Variants in PALD1 observed in about 807,000 individuals in gnomAD.
PALD1 encodes the protein paladin.
Under a neutral mutation model 96.0 loss-of-function variants are expected in PALD1, and 57 were observed. The ratio of observed to expected loss-of-function variants is 0.59; its 90% CI spans 0.48 to 0.74. PALD1 has a LOEUF of 0.74. Among genes scored for constraint, PALD1 ranks in the 30% least tolerant of loss-of-function variants. PALD1 has a pLI of 0.00. For synonymous variants in PALD1, 464 were observed against 473.6 expected (o/e 0.98, Z 0.26); for missense variants, 1,063 against 1,143.7 (o/e 0.93, Z 1.02).
chr10:70,553,355 C>G (rs1009886410), intron 18 of PALD1, among the ~76,000 whole-genome samples: 1 of 152,110 alleles, frequency 6.6e-6, no homozygotes, highest in African/African-American at 2.4e-5. Flanking sequence ...TCAGCAAGGC[C>G]TAATGTTCCT....
chr10:70,531,827 C>G (rs1846999144), intron 5 of PALD1, among the ~76,000 whole-genome samples: 1 of 151,836 alleles, frequency 6.6e-6, no homozygotes, highest in African/African-American at 2.4e-5. Flanking sequence ...ACTAAAAATA[C>G]AAAAAATTAG....
chr10:70,536,317 C>A (rs565873120), intron 10 of PALD1, among the ~76,000 whole-genome samples: 2 of 148,952 alleles, frequency 1.3e-5, no homozygotes, highest in African/African-American at 4.8e-5. Flanking sequence ...CAAAACAAAA[C>A]GAACCCAAAC....
At position 70,539,087 on chromosome 10, in the gene PALD1, C is replaced by T. The variant is rs1847179126; in HGVS notation, c.1570-5C>T. The T allele has an allele frequency of 1.9e-6, 3 of 1,613,774 alleles. No individual in the cohort carries two copies. Among genetic ancestry groups the T allele is most frequent in the Non-Finnish European group, 2.5e-6 (3 of 1,179,836 alleles). ...AGCACTCACTGCCGGCCCTCCTGTGCCCAGGCCCTGGGGAGCATCCTGGCC... is the reference window on the plus strand; with the variant it reads ...AGCACTCACTGCCGGCCCTCCTGTGTCCAGGCCCTGGGGAGCATCCTGGCC... On this transcript the variant is annotated splice_region_variant and splice_polypyrimidine_tract_variant and intron_variant, in intron 13 of 19. Coordinates refer to ENST00000263563, the MANE Select transcript of PALD1 (RefSeq NM_014431.3). The surrounding 1 kb of genome is among the most constrained non-coding windows in gnomAD (Gnocchi z 4.5).
At chr10:70,484,371 T>C (rs534681587) in intron 1 of PALD1, among the ~76,000 whole-genome samples, 67 of 152,338 alleles carry the variant, frequency 4.4e-4, no homozygotes, top group African/African-American at 1.6e-3. Flanking sequence ...ACGTCTAATA[T>C]TTGATACTAC....
In PALD1 at chr10:70,540,623, C is replaced by T. The variant is rs1001339558; in HGVS notation, c.1909-479C>T. On this transcript the variant is annotated intron_variant, in intron 15 of 19. Coordinates refer to ENST00000263563, the MANE Select transcript of PALD1 (RefSeq NM_014431.3). This position sits in a 1 kb window ranked among gnomAD's most constrained non-coding sequence, Gnocchi z 4.2. The stretch of plus-strand genomic sequence containing the variant: ...GTTACCCTGCCTGAGCCCCTCCTGG[C>T]GCATCTCTTCGCGGCTCTCACTGCC... Among the ~76,000 whole-genome samples the T allele has an allele frequency of 4.6e-5, 7 of 152,086 alleles. No individual in the cohort carries two copies. The highest frequency in any genetic ancestry group is 1.2e-4 in the African/African-American group (5 of 41,382).
Position 70,567,050 on chromosome 10 carries a change from TC to T in PALD1, c.*322del, listed in dbSNP as rs1306589929. On this transcript the variant is annotated 3_prime_UTR_variant, in exon 20 of 20. Transcript: ENST00000263563. ...GGCGTTCAGCCTCCAAGGGGCTCAC[TC>T]CCCCAGTTGCCAAACACTGTGGATC... 4 of 287,176 alleles carry T rather than the reference TC, an allele frequency of 1.4e-5. No individual in the cohort carries two copies. Among genetic ancestry groups the T allele is most frequent in the Non-Finnish European group, 2.6e-5 (4 of 155,404 alleles). The allele number at this position is 287,176 out of a possible 1,614,324, so 17.8% of individuals were successfully genotyped here.
At chr10:70,552,319 C>T (rs1489908120) in intron 18 of PALD1, among the ~76,000 whole-genome samples, 1 of 152,178 alleles carries the variant, frequency 6.6e-6, no homozygotes, top group Non-Finnish European at 1.5e-5. Flanking sequence ...ACGCGCGGCC[C>T]TTCACATTCT....
chr10:70,508,147 C>T (rs759198831), intron 1 of PALD1, among the ~76,000 whole-genome samples: 3 of 152,192 alleles, frequency 2.0e-5, no homozygotes, highest in African/African-American at 4.8e-5. Context: ...TCTTTTCTGT[C>T]GCTGGAGGAA....
chr10:70,468,387 GT>G, the PALD1 span, among the ~76,000 whole-genome samples: 20 of 151,954 alleles, frequency 1.3e-4, no homozygotes, highest in African/African-American at 4.6e-4. Context: ...GAGATTATAG[GT>G]GCCCGACACC....
chr10:70,540,233 G>A lies in PALD1; in HGVS notation c.1908+471G>A. Among the ~76,000 whole-genome samples the A allele has an allele frequency of 6.6e-6, 1 of 151,612 alleles. No individual in the cohort carries two copies. The highest frequency in any genetic ancestry group is 6.6e-5 in the Admixed American group (1 of 15,210). On this transcript the variant is annotated intron_variant, in intron 15 of 19. Transcript: ENST00000263563. The surrounding 1 kb of genome is among the most constrained non-coding windows in gnomAD (Gnocchi z 4.2). Reference sequence around the variant, plus strand: ...TGAACATGTCCAGGGTGTCCGTGGTGTGTGTGTCTCAGTTGGGGGACTGTG... The same window carrying A: ...TGAACATGTCCAGGGTGTCCGTGGTATGTGTGTCTCAGTTGGGGGACTGTG...
rs181984388 is a variant in PALD1, at chr10:70,556,875, T to G, written c.2263-7489T>G. 3.7e-4 allele frequency among the ~76,000 whole-genome samples: 57 copies of G among 152,320 alleles called. No homozygotes were observed. The Middle Eastern group carries it at 0.027, about 73-fold the overall frequency. On this transcript the variant is annotated intron_variant, in intron 18 of 19. Coordinates refer to ENST00000263563, the MANE Select transcript of PALD1 (RefSeq NM_014431.3). ...CTGCTCTCATTGTCCCGATTGTGGT[T>G]GTTACCAGAGGTCCTTGTTTCTGCT...
chr10:70,567,384 G>A lies in PALD1; in HGVS notation c.*651G>A, dbSNP rs1847876552. 2 of 152,836 alleles carry A rather than the reference G, an allele frequency of 1.3e-5. No homozygotes were observed. The highest frequency in any genetic ancestry group is 4.8e-5 in the African/African-American group (2 of 41,442). 9.5% of individuals were successfully genotyped at this position (152,836 alleles called of 1,614,324 possible). ...GCCTGGTGGGGCTGGCAGGATGGTG[G>A]AGGTTTCTCAAGGAGCTGGAGACTT... On this transcript the variant is annotated 3_prime_UTR_variant, in exon 20 of 20. Coordinates refer to ENST00000263563, the MANE Select transcript of PALD1 (RefSeq NM_014431.3).
rs142720955 is a variant in PALD1, at chr10:70,538,298, C to T, written c.1342C>T (p.Leu448Phe). ...LHEQYPLAFA[L>F]SFSRWLCAHP... Reference sequence around the variant, plus strand: ...GCTGCAGTACCCGCTGGCCTTTGCCCTCAGTTTCAGCCGCTGGCTGTGTGC... The same window carrying T: ...GCTGCAGTACCCGCTGGCCTTTGCCTTCAGTTTCAGCCGCTGGCTGTGTGC... Residue 448 changes from leucine to phenylalanine, a missense_variant, in exon 12 of 20, where the codon CTC becomes TTC. Leu to Phe is a conservative substitution (Grantham distance 22). Transcript: ENST00000263563. 1.9e-6 allele frequency: 3 copies of T among 1,603,624 alleles called. No individual in the cohort carries two copies. The highest frequency in any genetic ancestry group is 2.2e-5 in the East Asian group (1 of 44,896).
At chr10:70,484,592 T>C (rs1033872156) in intron 1 of PALD1, among the ~76,000 whole-genome samples, 1 of 151,366 alleles carries the variant, frequency 6.6e-6, no homozygotes, top group African/African-American at 2.4e-5. Flanking sequence ...CAGGCTGGAG[T>C]GCAGTGGCGT....
chr10:70,478,442 G>C (rs894190590), upstream of PALD1, among the ~76,000 whole-genome samples: 2 of 152,226 alleles, frequency 1.3e-5, no homozygotes, highest in African/African-American at 4.8e-5. Context: ...GTGGCGCCCA[G>C]AGCGCTGCTG....
chr10:70,509,257 G>A (rs946053638), intron 1 of PALD1, among the ~76,000 whole-genome samples: 1 of 152,210 alleles, frequency 6.6e-6, no homozygotes, highest in Non-Finnish European at 1.5e-5. Flanking sequence ...GAATGAGGGA[G>A]TGGCAGGTGA....
the PALD1 span, among the ~76,000 whole-genome samples, chr10:70,460,158 T>A: frequency 6.6e-6 from 1 of 152,272 alleles, no homozygotes; most frequent in Admixed American, 6.5e-5. Flanking sequence ...TGCTCAGTCC[T>A]CTTTGTCTTC....
At chr10:70,508,950 T>C (rs1317354710) in intron 1 of PALD1, among the ~76,000 whole-genome samples, 1 of 147,702 alleles carries the variant, frequency 6.8e-6, no homozygotes, top group Non-Finnish European at 1.5e-5. Flanking sequence ...TTTCATGTGC[T>C]CTGCACCCAC....
chr10:70,495,288 C>T (rs1180589376), intron 1 of PALD1, among the ~76,000 whole-genome samples: 1 of 152,244 alleles, frequency 6.6e-6, no homozygotes, highest in Non-Finnish European at 1.5e-5. Context: ...TAGCCCACAT[C>T]ACAATGTATA....
Sources: allele counts gnomAD v4.1 joint callset (sites outside exome capture counted in the v4.1 genomes callset), GRCh38; gene constraint gnomAD v4.1.1; non-coding constraint Gnocchi (gnomAD v3.1); transcripts MANE v1.5; gene names NCBI Gene and HGNC (gene_info 2026-07-23, HGNC 2026-07-21).